Variants in VNN1 observed in about 807,000 individuals in gnomAD.
VNN1 encodes the protein vanin 1.
A neutral mutation model predicts 41.9 loss-of-function variants in VNN1; 29 were observed. The ratio of observed to expected loss-of-function variants is 0.69; its 90% CI spans 0.52 to 0.94. VNN1 has a LOEUF of 0.94. VNN1 is among the 40% of genes least tolerant of loss of function. The pLI, the probability that VNN1 is intolerant of heterozygous loss-of-function variation, is 0.00. For synonymous variants in VNN1, 233 were observed against 224.4 expected (o/e 1.04, Z -0.34); for missense variants, 637 against 621.1 (o/e 1.03, Z -0.27).
rs150089794 is a variant in VNN1, at chr6:132,682,200, C to T, written c.*940G>A. 7.3e-4 allele frequency: 111 copies of T among 152,262 alleles called. No individual in the cohort carries two copies. Among genetic ancestry groups the T allele is most frequent in the African/African-American group, 2.6e-3 (108 of 41,546 alleles). 9.4% of individuals were successfully genotyped at this position (152,262 alleles called of 1,614,324 possible). ...TTTCACTATCAATCCATCAGCAATC[C>T]TTCTCTAAGAGTGTCTATTGGAGTC... On this transcript the variant is annotated 3_prime_UTR_variant, in exon 7 of 7. Coordinates refer to ENST00000367928, the MANE Select transcript of VNN1 (RefSeq NM_004666.3).
intron 2 of VNN1, among the ~76,000 whole-genome samples, chr6:132,701,234 A>C (rs1490433863): frequency 6.6e-6 from 1 of 152,236 alleles, no homozygotes; most frequent in African/African-American, 2.4e-5. Flanking sequence ...ATTTTAAACT[A>C]TGAGGTCTAC....
chr6:132,685,779 C>A (rs1778196579), intron 5 of VNN1, among the ~76,000 whole-genome samples: 1 of 152,140 alleles, frequency 6.6e-6, no homozygotes, highest in South Asian at 2.1e-4. Flanking sequence ...GCCTTGGATA[C>A]TAAGTCCTCC....
At chr6:132,701,441 C>T (rs554599530) in intron 2 of VNN1, among the ~76,000 whole-genome samples, 1 of 152,282 alleles carries the variant, frequency 6.6e-6, no homozygotes, top group African/African-American at 2.4e-5. Flanking sequence ...CAGCTAACAT[C>T]CTATGGAATG....
At chr6:132,712,097 G>A (rs1412630544) in intron 1 of VNN1, among the ~76,000 whole-genome samples, 1 of 149,254 alleles carries the variant, frequency 6.7e-6, no homozygotes, top group Non-Finnish European at 1.5e-5. Flanking sequence ...TTTGTTGCAT[G>A]GATATGTTAC....
At chr6:132,698,949 G>A (rs1175219641) in intron 2 of VNN1, 2 of 186,350 alleles carry the variant, frequency 1.1e-5, no homozygotes, top group African/African-American at 4.8e-5. Flanking sequence ...GGACTTTGAA[G>A]TACAAGATGT....
At chr6:132,687,675 A>G (rs1169003033) in intron 5 of VNN1, among the ~76,000 whole-genome samples, 1 of 152,234 alleles carries the variant, frequency 6.6e-6, no homozygotes. Context: ...GGAAATCTCA[A>G]TATGACAACT....
At position 132,682,938 on chromosome 6, in the gene VNN1, T is replaced by C. The variant is rs992973325; in HGVS notation, c.*202A>G. ...GCTCACGTCCAAGAAAGACCAATGT[T>C]CAAATATAGTTTTTTAAATAAAATC... On this transcript the variant is annotated 3_prime_UTR_variant, in exon 7 of 7. Coordinates refer to ENST00000367928, the MANE Select transcript of VNN1 (RefSeq NM_004666.3). 1 of 380,414 alleles carries C rather than the reference T, an allele frequency of 2.6e-6. No homozygotes were observed. The highest frequency in any genetic ancestry group is 2.1e-5 in the African/African-American group (1 of 48,042). The allele number at this position is 380,414 out of a possible 1,614,324, so 23.6% of individuals were successfully genotyped here.
rs1458610717 is a variant in VNN1 at position 132,692,440 on chromosome 6, T to G, written c.971A>C (p.Glu324Ala). The G allele has an allele frequency of 1.2e-6, 2 of 1,614,162 alleles. No individual in the cohort carries two copies. Among genetic ancestry groups the G allele is most frequent in the Non-Finnish European group, 1.7e-6 (2 of 1,180,026 alleles). ...VNWTSYASSIEALSSGNKEFK... is the reference protein window; with the variant it reads ...VNWTSYASSIAALSSGNKEFK... ...TTCCTTGTTTCCTGATGAGAGCGCT[T>G]CTATACTGCTGGCATAGGAAGTCCA... Residue 324 changes from glutamate (E) to alanine (A), a missense_variant, in exon 5 of 7, where the codon GAA becomes GCA. Glu to Ala is a moderately radical substitution (Grantham distance 107, BLOSUM62 -1). Transcript: ENST00000367928.
chr6:132,700,079 G>A (rs1014866042), intron 2 of VNN1, among the ~76,000 whole-genome samples: 9 of 152,122 alleles, frequency 5.9e-5, no homozygotes, highest in Non-Finnish European at 1.2e-4. Context: ...TAAACCATAT[G>A]TGAACAAATT....
intron 5 of VNN1, among the ~76,000 whole-genome samples, chr6:132,686,272 C>G (rs993413601): frequency 6.6e-6 from 1 of 152,092 alleles, no homozygotes; most frequent in Admixed American, 6.5e-5. Context: ...CATGGGGAAA[C>G]CCCATCTGTA....
chr6:132,693,683 G>A (rs1205165990), intron 3 of VNN1, among the ~76,000 whole-genome samples: 3 of 152,116 alleles, frequency 2.0e-5, no homozygotes, highest in Non-Finnish European at 4.4e-5. Flanking sequence ...TTTCATTCTA[G>A]CCTTGACCCA....
chr6:132,693,011 G>A lies in VNN1; in HGVS notation c.826+13C>T. The A allele has an allele frequency of 6.3e-7, 1 of 1,582,324 alleles. No individual in the cohort carries two copies. On this transcript the variant is annotated intron_variant, in intron 4 of 6. Coordinates refer to ENST00000367928, the MANE Select transcript of VNN1 (RefSeq NM_004666.3). ...ATTACATCAGCCTGCATATCTTTAA[G>A]ATCACACATTACCTGTCATTTTCTT...
intron 2 of VNN1, among the ~76,000 whole-genome samples, chr6:132,696,455 G>A (rs1375117236): frequency 2.0e-5 from 3 of 152,062 alleles, no homozygotes; most frequent in African/African-American, 7.2e-5. Flanking sequence ...AAAGATCCAA[G>A]AAGCTCAACA....
intron 2 of VNN1, among the ~76,000 whole-genome samples, chr6:132,700,678 C>G (rs1778438175): frequency 6.6e-6 from 1 of 152,154 alleles, no homozygotes; most frequent in Non-Finnish European, 1.5e-5. Context: ...GACATGCTCC[C>G]TCACACATCT....
intron 2 of VNN1, among the ~76,000 whole-genome samples, chr6:132,707,329 C>T (rs1778533795): frequency 6.6e-6 from 1 of 152,044 alleles, no homozygotes; most frequent in Non-Finnish European, 1.5e-5. Flanking sequence ...AGGGAACCCT[C>T]ATACACTGTT....
intron 2 of VNN1, among the ~76,000 whole-genome samples, chr6:132,709,197 AATAG>A (rs1417969959): frequency 3.6e-5 from 5 of 137,810 alleles, no homozygotes; most frequent in Non-Finnish European, 7.6e-5. Flanking sequence ...GTAGATAGAT[AATAG>A]ATAGATGATA....
chr6:132,708,829 G>A (rs45598231), intron 2 of VNN1, among the ~76,000 whole-genome samples: 5,837 of 151,966 alleles, frequency 0.038, 193 homozygotes, highest in South Asian at 0.097. Flanking sequence ...TCAACATTGC[G>A]CTCCTCCTGC....
intron 2 of VNN1, among the ~76,000 whole-genome samples, chr6:132,700,869 CA>C (rs950798632): frequency 4.6e-5 from 7 of 150,884 alleles, no homozygotes; most frequent in Non-Finnish European, 8.9e-5. Context: ...GTTATAGTAG[CA>C]AAAAAAACTT....
Position 132,683,102 on chromosome 6 carries a change from T to A in VNN1, c.*38A>T, listed in dbSNP as rs777682378. On this transcript the variant is annotated 3_prime_UTR_variant, in exon 7 of 7. Coordinates refer to ENST00000367928, the MANE Select transcript of VNN1 (RefSeq NM_004666.3). ...CTTTCTTTTCTCATCCATCATTTTT[T>A]AAATTATCCCAAATAAAAAAGAGAA... 5 of 1,549,574 alleles carry A rather than the reference T, an allele frequency of 3.2e-6. No individual in the cohort carries two copies. Among genetic ancestry groups the A allele is most frequent in the South Asian group, 2.4e-5 (2 of 82,980 alleles).
Sources: gnomAD v4.1 joint callset for allele counts (sites outside exome capture counted in the v4.1 genomes callset) on GRCh38, gnomAD v4.1.1 for gene constraint, MANE v1.5 for transcripts, NCBI Gene and HGNC (gene_info 2026-07-23, HGNC 2026-07-21) for gene names.